Variants in CBFA2T2 observed in about 807,000 individuals in gnomAD.
The protein encoded by CBFA2T2 is CBFA2/RUNX1 partner transcriptional co-repressor 2, also known as protein CBFA2T2.
In CBFA2T2, 11 loss-of-function variants were observed where a neutral mutation model predicts 62.2. The ratio of observed to expected loss-of-function variants is 0.18; its 90% CI spans 0.11 to 0.29. The LOEUF is 0.29. Among genes scored for constraint, CBFA2T2 ranks in the 10% least tolerant of loss-of-function variants. CBFA2T2 has a pLI of 1.00. For missense variants in CBFA2T2, 592 were observed against 774.1 expected (o/e 0.76, Z 2.79); for synonymous variants, 295 against 287.5 (o/e 1.03, Z -0.27).
intron 7 of CBFA2T2, among the ~76,000 whole-genome samples, chr20:33,628,798 A>G (rs557454912): frequency 1.7e-4 from 26 of 152,320 alleles, no homozygotes; most frequent in African/African-American, 5.5e-4. Context: ...TTAATGGAAC[A>G]TGTATGCTTG....
In CBFA2T2 at chr20:33,623,467, C is replaced by T. The variant is rs550364156; in HGVS notation, c.692+171C>T. Among the ~76,000 whole-genome samples the T allele has an allele frequency of 2.2e-3, 339 of 152,302 alleles. 1 individual carries two copies. Among genetic ancestry groups the T allele is most frequent in the African/African-American group, 7.8e-3 (324 of 41,560 alleles). ...GAGCGCAGTGGTGCAATCTTTGCTCCCTGCAGCCTCCATCTCCTGGGCTCA... is the reference window on the plus strand; with the variant it reads ...GAGCGCAGTGGTGCAATCTTTGCTCTCTGCAGCCTCCATCTCCTGGGCTCA... On this transcript the variant is annotated intron_variant, in intron 5 of 10. Transcript: ENST00000342704.
chr20:33,571,866 C>G (rs1168904753), intron 1 of CBFA2T2, among the ~76,000 whole-genome samples: 2 of 152,030 alleles, frequency 1.3e-5, no homozygotes, highest in Non-Finnish European at 2.9e-5. Flanking sequence ...GTGGTGATTT[C>G]TTTTCTTGTG....
chr20:33,587,359 TG>T (rs2014416956), intron 1 of CBFA2T2, among the ~76,000 whole-genome samples: 2 of 152,004 alleles, frequency 1.3e-5, no homozygotes, highest in South Asian at 4.1e-4. Context: ...CTGTGCCTCC[TG>T]GGTTCAAGTG....
At chr20:33,574,242 C>T (rs760636109) in intron 1 of CBFA2T2, 1 of 1,613,292 alleles carries the variant, frequency 6.2e-7, no homozygotes, top group Non-Finnish European at 8.5e-7. Flanking sequence ...AAATACAGGT[C>T]CTGGCAAGGC....
At chr20:33,551,692 C>T (rs893264465) in intron 1 of CBFA2T2, among the ~76,000 whole-genome samples, 6 of 151,618 alleles carry the variant, frequency 4.0e-5, no homozygotes, top group East Asian at 1.9e-4. Context: ...TCACCACGCC[C>T]GGCTAATTTT....
intron 1 of CBFA2T2, among the ~76,000 whole-genome samples, chr20:33,599,126 G>A (rs1254696944): frequency 6.6e-6 from 1 of 152,238 alleles, no homozygotes; most frequent in Non-Finnish European, 1.5e-5. Context: ...GCTGGGCTCA[G>A]TGGCATGTGC....
chr20:33,493,323 G>A (rs543196668), intron 1 of CBFA2T2, among the ~76,000 whole-genome samples: 9 of 152,160 alleles, frequency 5.9e-5, no homozygotes, highest in African/African-American at 1.2e-4. Context: ...TGATCTGCCC[G>A]CCTCGGCTTC....
intron 2 of CBFA2T2, among the ~76,000 whole-genome samples, chr20:33,609,718 C>T (rs2122294937): frequency 6.6e-6 from 1 of 152,264 alleles, no homozygotes; most frequent in South Asian, 2.1e-4. Context: ...GGTTAACTGA[C>T]TGTGACTGGC....
chr20:33,562,647 T>C, intron 1 of CBFA2T2: 5 of 985,506 alleles, frequency 5.1e-6, no homozygotes, highest in Non-Finnish European at 6.0e-6. Context: ...TTTAAGAATC[T>C]GGATTGTTTA....
intron 4 of CBFA2T2, among the ~76,000 whole-genome samples, chr20:33,621,287 CTTTTTTTTTTTTTTTT>C (rs199805350): frequency 1.2e-5 from 1 of 85,296 alleles, no homozygotes; most frequent in Non-Finnish European, 2.2e-5. Context: ...ATTTTACTGC[CTTTTTTTTTTTTTTTT>C]TTTTTTTTTT....
At chr20:33,591,817 T>G (rs1478581559) in intron 1 of CBFA2T2, among the ~76,000 whole-genome samples, 2 of 119,526 alleles carry the variant, frequency 1.7e-5, no homozygotes, top group Admixed American at 2.3e-4. Flanking sequence ...CTTTCCCAAG[T>G]CCATTCTCAT....
At chr20:33,536,368 G>T (rs2012233888) in intron 1 of CBFA2T2, among the ~76,000 whole-genome samples, 1 of 150,866 alleles carries the variant, frequency 6.6e-6, no homozygotes, top group East Asian at 2.0e-4. Context: ...TTCCCAGTAG[G>T]GGCGGCCGGG....
chr20:33,593,750 C>T (rs1304704851), intron 1 of CBFA2T2, among the ~76,000 whole-genome samples: 1 of 150,658 alleles, frequency 6.6e-6, no homozygotes, highest in Admixed American at 6.6e-5. Context: ...CTGCATTAAT[C>T]ATGTAATCTC....
chr20:33,587,000 A>C (rs932248292), intron 1 of CBFA2T2, among the ~76,000 whole-genome samples: 1 of 150,688 alleles, frequency 6.6e-6, no homozygotes, highest in Non-Finnish European at 1.5e-5. Flanking sequence ...GGAGTGCAAT[A>C]GTGTGATCAC....
intron 4 of CBFA2T2, 111 bp from the exon 5 acceptor site, chr20:33,623,004 C>T: frequency 1.0e-6 from 1 of 965,390 alleles, no homozygotes; most frequent in Non-Finnish European, 1.5e-6. Flanking sequence ...ATCAGACTGC[C>T]AAGGAGAGAA....
chr20:33,625,254 C>G (rs1356294518), intron 6 of CBFA2T2, among the ~76,000 whole-genome samples: 1 of 151,880 alleles, frequency 6.6e-6, no homozygotes, highest in African/African-American at 2.4e-5. Context: ...AATCCCAGCT[C>G]TTAGAGAGGC....
At chr20:33,532,509 C>T (rs2012092093) in intron 1 of CBFA2T2, among the ~76,000 whole-genome samples, 1 of 152,174 alleles carries the variant, frequency 6.6e-6, no homozygotes. Flanking sequence ...GTGTAGCTTT[C>T]CTTTTTGCTT....
At chr20:33,493,337 A>G (rs142077553) in intron 1 of CBFA2T2, among the ~76,000 whole-genome samples, 2 of 152,072 alleles carry the variant, frequency 1.3e-5, no homozygotes, top group Non-Finnish European at 2.9e-5. Context: ...CGGCTTCCCA[A>G]AATGCTGGGA....
At chr20:33,614,158 T>C (rs2015623773) in intron 3 of CBFA2T2, among the ~76,000 whole-genome samples, 1 of 152,208 alleles carries the variant, frequency 6.6e-6, no homozygotes, top group African/African-American at 2.4e-5. Context: ...TGAATCTTTT[T>C]TTAGTTATGA....
Sources: allele counts gnomAD v4.1 joint callset (sites outside exome capture counted in the v4.1 genomes callset), GRCh38; gene constraint gnomAD v4.1.1; transcripts MANE v1.5; gene names NCBI Gene and HGNC (gene_info 2026-07-23, HGNC 2026-07-21).